The following TBC1D19 variants were observed in gnomAD, a reference collection of about 807,000 sequenced individuals.
TBC1D19 encodes TBC1 domain family, member 19.
In TBC1D19, 60 loss-of-function variants were observed where a neutral mutation model predicts 89.0. The ratio of observed to expected loss-of-function variants is 0.67; its 90% CI spans 0.55 to 0.84. The LOEUF (loss-of-function observed/expected upper bound fraction) is 0.84, where lower values mean the gene tolerates loss of function less well. TBC1D19 is among the 40% of genes least tolerant of loss of function. TBC1D19 has a pLI of 0.00. For missense variants in TBC1D19, 500 were observed against 610.8 expected, an observed-to-expected ratio of 0.82 and a Z score of 1.91; for synonymous variants, 189 against 199.7, an observed-to-expected ratio of 0.95 and a Z score of 0.45.
At chr4:26,618,163 A>G (rs1178304851) in intron 3 of TBC1D19, among the ~76,000 whole-genome samples, 1 of 152,214 alleles carries the variant, frequency 6.6e-6, no homozygotes, top group Non-Finnish European at 1.5e-5. Context: ...AACAGGCTAG[A>G]CAGTCTTTGC....
At chr4:26,588,307 A>G (rs1033204294) in intron 1 of TBC1D19, among the ~76,000 whole-genome samples, 4 of 152,052 alleles carry the variant, frequency 2.6e-5, no homozygotes, top group Non-Finnish European at 5.9e-5. Flanking sequence ...TTAAAGGCAT[A>G]AGCCACCGCA....
chr4:26,589,937 G>A (rs1029542706), intron 1 of TBC1D19, among the ~76,000 whole-genome samples: 14 of 152,160 alleles, frequency 9.2e-5, no homozygotes, highest in African/African-American at 2.9e-4. Context: ...AGTGCTCTTT[G>A]TAGATTTCTG....
At chr4:26,643,019 G>A (rs1398508740) in intron 7 of TBC1D19, among the ~76,000 whole-genome samples, 1 of 152,140 alleles carries the variant, frequency 6.6e-6, no homozygotes, top group African/African-American at 2.4e-5. Context: ...ACAGATCAAT[G>A]AGACAGAAGG....
At chr4:26,738,683 A>G (rs1450845161) in intron 16 of TBC1D19, among the ~76,000 whole-genome samples, 3 of 152,068 alleles carry the variant, frequency 2.0e-5, no homozygotes, top group Non-Finnish European at 4.4e-5. Flanking sequence ...GAATTTAGAT[A>G]TTTACCCCCA....
chr4:26,627,773 A>T (rs1229599053), intron 4 of TBC1D19, among the ~76,000 whole-genome samples: 5 of 152,010 alleles, frequency 3.3e-5, no homozygotes, highest in Admixed American at 3.3e-4. Context: ...TTCATTGTAG[A>T]TTCTGGATAT....
At chr4:26,621,652 G>T (rs140556408) in intron 4 of TBC1D19, among the ~76,000 whole-genome samples, 1 of 151,560 alleles carries the variant, frequency 6.6e-6, no homozygotes, top group Admixed American at 6.6e-5. Flanking sequence ...AAAATTAGAT[G>T]GTGAAAAGAA....
At chr4:26,826,808 G>A in the TBC1D19 span, among the ~76,000 whole-genome samples, 1 of 152,192 alleles carries the variant, frequency 6.6e-6, no homozygotes, top group Admixed American at 6.5e-5. Flanking sequence ...TCCGGGTGTG[G>A]GTGGTGACGT....
At chr4:26,631,524 C>T (rs1742806229) in intron 4 of TBC1D19, among the ~76,000 whole-genome samples, 1 of 151,972 alleles carries the variant, frequency 6.6e-6, no homozygotes, top group South Asian at 2.1e-4. Flanking sequence ...CTCATTTTCC[C>T]CTGTTCTAGT....
chr4:26,620,250 A>G (rs534457819), intron 3 of TBC1D19, among the ~76,000 whole-genome samples: 3 of 152,304 alleles, frequency 2.0e-5, no homozygotes, highest in Admixed American at 2.0e-4. Flanking sequence ...TAAAATCCCC[A>G]AGAGGACTTC....
chr4:26,622,942 C>T (rs1396868776), intron 4 of TBC1D19, among the ~76,000 whole-genome samples: 1 of 152,120 alleles, frequency 6.6e-6, no homozygotes, highest in African/African-American at 2.4e-5. Flanking sequence ...ACCCAGCCCA[C>T]AGAACACTCT....
At chr4:26,636,655 G>T (rs949831257) in intron 4 of TBC1D19, among the ~76,000 whole-genome samples, 2 of 151,800 alleles carry the variant, frequency 1.3e-5, no homozygotes, top group African/African-American at 4.8e-5. Flanking sequence ...AGTATATATG[G>T]ACTAAGTATG....
At chr4:26,737,191 G>T (rs1457531068) in intron 16 of TBC1D19, among the ~76,000 whole-genome samples, 1 of 152,040 alleles carries the variant, frequency 6.6e-6, no homozygotes, top group Non-Finnish European at 1.5e-5. Flanking sequence ...GCTATACTTG[G>T]TGTTAGTCAC....
At chr4:26,582,781 C>A (rs933492633), upstream of TBC1D19, among the ~76,000 whole-genome samples, 2 of 152,288 alleles carry the variant, frequency 1.3e-5, no homozygotes. Flanking sequence ...GTTTGATAAA[C>A]CAACTTTACC....
At chr4:26,858,632 G>C in the TBC1D19 span, 1 of 152,256 alleles carries the variant, frequency 6.6e-6, no homozygotes, top group East Asian at 1.9e-4. Context: ...GTGATGCACA[G>C]TGACACGTAC....
chr4:26,677,099 T>C (rs1009904315), intron 11 of TBC1D19, among the ~76,000 whole-genome samples: 4 of 152,180 alleles, frequency 2.6e-5, no homozygotes, highest in African/African-American at 4.8e-5. Context: ...AGTACCACTG[T>C]CCATCAAGGA....
intron 15 of TBC1D19, among the ~76,000 whole-genome samples, chr4:26,734,327 G>A (rs1318526617): frequency 6.6e-6 from 1 of 152,136 alleles, no homozygotes; most frequent in Non-Finnish European, 1.5e-5. Context: ...TTTTGCCTGT[G>A]AACATGTCTG....
At chr4:26,624,452 C>T (rs1742260504) in intron 4 of TBC1D19, among the ~76,000 whole-genome samples, 1 of 152,158 alleles carries the variant, frequency 6.6e-6, no homozygotes, top group African/African-American at 2.4e-5. Flanking sequence ...TCTCAGCTCA[C>T]TGCAACCTCA....
At chr4:26,799,422 A>T in the TBC1D19 span, among the ~76,000 whole-genome samples, 1 of 152,230 alleles carries the variant, frequency 6.6e-6, no homozygotes, top group Non-Finnish European at 1.5e-5. Context: ...AAGCTATAAA[A>T]GGACAGATAC....
chr4:26,753,770 C>A (rs372123355), intron 19 of TBC1D19, 50 bp from the exon 20 acceptor site: 77 of 1,605,488 alleles, frequency 4.8e-5, no homozygotes, highest in Non-Finnish European at 5.7e-5. Flanking sequence ...AGTAACCGTG[C>A]CGGGCTGATG....
Sources: allele counts gnomAD v4.1 joint callset (sites outside exome capture counted in the v4.1 genomes callset), GRCh38; gene constraint gnomAD v4.1.1; transcripts MANE v1.5; gene names NCBI Gene and HGNC (gene_info 2026-07-23, HGNC 2026-07-21).